DIP2C: variants seen among roughly 807,000 people sequenced by gnomAD.
The protein encoded by DIP2C is DIP2 acetate--CoA ligase C (putative), also known as disco-interacting protein 2 homolog C.
A neutral mutation model predicts 192.4 loss-of-function variants in DIP2C; 33 were observed. The observed-to-expected ratio is 0.17, with a 90% CI of 0.13 to 0.23. The LOEUF is 0.23. Among genes scored for constraint, DIP2C ranks in the 10% least tolerant of loss-of-function variants. DIP2C has a pLI of 1.00. For missense variants in DIP2C, 1,537 were observed against 2,110.1 expected, an observed-to-expected ratio of 0.73 and a Z score of 5.32; for synonymous variants, 979 against 864.1, an observed-to-expected ratio of 1.13 and a Z score of -2.33.
At chr10:304,015 G>A (rs939367627) in intron 32 of DIP2C, among the ~76,000 whole-genome samples, 1 of 152,032 alleles carries the variant, frequency 6.6e-6, no homozygotes, top group African/African-American at 2.4e-5. Flanking sequence ...GCTTTCTGCT[G>A]GATTCCTCCT....
At chr10:600,215 G>A (rs1483385142) in intron 1 of DIP2C, among the ~76,000 whole-genome samples, 1 of 152,158 alleles carries the variant, frequency 6.6e-6, no homozygotes, top group African/African-American at 2.4e-5. Context: ...CCAAGCCTCT[G>A]CACTTCCTAC....
chr10:395,411 ATATAAT>A (rs776727721), intron 10 of DIP2C, among the ~76,000 whole-genome samples: 2 of 152,218 alleles, frequency 1.3e-5, no homozygotes, highest in Non-Finnish European at 2.9e-5. Context: ...CCATAAATGT[ATATAAT>A]TATAACTTGT....
intron 4 of DIP2C, among the ~76,000 whole-genome samples, chr10:439,027 C>CAT (rs1055447330): frequency 2.0e-5 from 3 of 152,112 alleles, no homozygotes; most frequent in Non-Finnish European, 4.4e-5. Context: ...GTACAAAAGG[C>CAT]ATTTTGGTAC....
Position 376,556 on chromosome 10 carries a change from TC to T in DIP2C, c.1991+6090del, listed in dbSNP as rs1267397133. Among the ~76,000 whole-genome samples, 168 of 57,944 alleles carry T rather than the reference TC, an allele frequency of 2.9e-3. 1 individual carries two copies. Among genetic ancestry groups the T allele is most frequent in the African/African-American group, 0.01 (158 of 15,444 alleles). 38.0% of individuals were successfully genotyped at this position (57,944 alleles called of 152,430 possible). On this transcript the variant is annotated intron_variant, in intron 17 of 36. Coordinates refer to ENST00000280886, the MANE Select transcript of DIP2C (RefSeq NM_014974.3). ...TGGCAGCCAGAACCCCGAGGAAGTGTCTTTTTTTTTTTTTTTTTAAACAGGG... is the reference window on the plus strand; with the variant it reads ...TGGCAGCCAGAACCCCGAGGAAGTGTTTTTTTTTTTTTTTTTTAAACAGGG...
chr10:350,317 CCTCAAGTGAT>C (rs1342846189), intron 24 of DIP2C, among the ~76,000 whole-genome samples: 1 of 152,030 alleles, frequency 6.6e-6, no homozygotes, highest in Non-Finnish European at 1.5e-5. Flanking sequence ...AAACTCGTGG[CCTCAAGTGAT>C]CTTCCCATCT....
chr10:298,222 CCT>C (rs747125428), intron 32 of DIP2C, among the ~76,000 whole-genome samples: 3 of 152,158 alleles, frequency 2.0e-5, no homozygotes, highest in Non-Finnish European at 2.9e-5. Context: ...CAGAAATGTC[CCT>C]GTTTTGCTGA....
At chr10:405,692 C>T (rs547834345) in intron 9 of DIP2C, among the ~76,000 whole-genome samples, 1 of 152,350 alleles carries the variant, frequency 6.6e-6, no homozygotes, top group African/African-American at 2.4e-5. Context: ...GTTCAATCCT[C>T]TGTGTACTTC....
chr10:572,659 A>G (rs1849897396), intron 1 of DIP2C, among the ~76,000 whole-genome samples: 3 of 152,248 alleles, frequency 2.0e-5, no homozygotes, highest in Admixed American at 2.0e-4. Flanking sequence ...CTGTATTCAC[A>G]GATCACAAGG....
At chr10:414,727 G>GTATATATA (rs1305381030) in intron 7 of DIP2C, among the ~76,000 whole-genome samples, 23 of 70,386 alleles carry the variant, frequency 3.3e-4, no homozygotes, top group African/African-American at 1.3e-3. Flanking sequence ...GTGTGTGTGT[G>GTATATATA]TGTGTGTGTG....
At chr10:479,328 C>CTT (rs766379689) in intron 2 of DIP2C, among the ~76,000 whole-genome samples, 6,021 of 88,310 alleles carry the variant, frequency 0.068, 404 homozygotes, top group Non-Finnish European at 0.099. Context: ...TCTCACACTG[C>CTT]TTTTTTTTTT....
intron 1 of DIP2C, among the ~76,000 whole-genome samples, chr10:603,721 A>G (rs541412836): frequency 2.0e-5 from 3 of 152,308 alleles, no homozygotes; most frequent in African/African-American, 7.2e-5. Context: ...AATAGATACA[A>G]TGCATTAACT....
chr10:453,464 A>G (rs1969018099), intron 3 of DIP2C, among the ~76,000 whole-genome samples: 1 of 152,216 alleles, frequency 6.6e-6, no homozygotes, highest in Non-Finnish European at 1.5e-5. Context: ...AATGCTTAAA[A>G]CGATAGGAGA....
At chr10:320,386 T>C (rs1172011943) in intron 31 of DIP2C, among the ~76,000 whole-genome samples, 1 of 151,646 alleles carries the variant, frequency 6.6e-6, no homozygotes, top group Non-Finnish European at 1.5e-5. Context: ...CAGGTGCCTG[T>C]AATACCAGCT....
At chr10:303,246 T>G (rs996837122) in intron 32 of DIP2C, among the ~76,000 whole-genome samples, 1 of 151,692 alleles carries the variant, frequency 6.6e-6, no homozygotes, top group African/African-American at 2.4e-5. Context: ...AGCTAAGACA[T>G]CACTGCATGA....
intron 30 of DIP2C, among the ~76,000 whole-genome samples, chr10:328,042 C>G (rs1957351709): frequency 6.6e-6 from 1 of 152,186 alleles, no homozygotes; most frequent in Non-Finnish European, 1.5e-5. Flanking sequence ...CCCAGAGCTG[C>G]TAAGGGGGCG....
intron 1 of DIP2C, chr10:668,077 AC>A (rs1857215729): frequency 6.6e-6 from 1 of 152,190 alleles, no homozygotes; most frequent in East Asian, 1.9e-4. Flanking sequence ...CTCATACAAC[AC>A]ACACAACACA....
intron 13 of DIP2C, among the ~76,000 whole-genome samples, chr10:388,583 C>T (rs924929653): frequency 2.0e-4 from 31 of 152,162 alleles, no homozygotes; most frequent in Non-Finnish European, 4.0e-4. Flanking sequence ...CGTATCATTC[C>T]CTCCCCAACC....
At chr10:319,439 G>C (rs537544905) in intron 31 of DIP2C, among the ~76,000 whole-genome samples, 2 of 152,012 alleles carry the variant, frequency 1.3e-5, no homozygotes, top group African/African-American at 4.8e-5. Context: ...AAACAACCGC[G>C]GTCTCTTTTG....
chr10:297,874 A>T (rs534957338), intron 32 of DIP2C, among the ~76,000 whole-genome samples: 1 of 152,370 alleles, frequency 6.6e-6, no homozygotes, highest in East Asian at 1.9e-4. Flanking sequence ...ACTACATGTT[A>T]TATGTATTGA....
Sources: gnomAD v4.1 joint callset for allele counts (sites outside exome capture counted in the v4.1 genomes callset) on GRCh38, gnomAD v4.1.1 for gene constraint, MANE v1.5 for transcripts, NCBI Gene and HGNC (gene_info 2026-07-23, HGNC 2026-07-21) for gene names.